Variants in MAP4K4 observed in about 807,000 individuals in gnomAD.
The protein encoded by MAP4K4 is HPK/GCK-like kinase HGK.
MAP4K4 carries 38 observed loss-of-function variants against 189.6 expected under a neutral mutation model. That is an observed-to-expected ratio of 0.20 (90% confidence interval 0.15 to 0.26). The LOEUF is 0.26. Ranked by LOEUF, MAP4K4 falls within the 10% of genes least tolerant of loss-of-function variation. The pLI is 1.00. For missense variants in MAP4K4, 1,054 were observed against 1,726.9 expected (o/e 0.61, Z 6.91); for synonymous variants, 610 against 624.3 (o/e 0.98, Z 0.34).
chr2:101,849,688 G>A (rs1170741981), intron 12 of MAP4K4, among the ~76,000 whole-genome samples: 1 of 145,836 alleles, frequency 6.9e-6, no homozygotes, highest in Non-Finnish European at 1.5e-5. Context: ...GTACTTTCAT[G>A]ACACTCACAC....
chr2:101,824,793 A>G (rs943307329), intron 4 of MAP4K4, among the ~76,000 whole-genome samples: 1 of 152,250 alleles, frequency 6.6e-6, no homozygotes, highest in African/African-American at 2.4e-5. Flanking sequence ...GGTACTTTAA[A>G]CATACCATTG....
At chr2:101,867,309 T>C (rs1311125707) in exon 20 of MAP4K4, 4 of 1,600,210 alleles carry the variant, frequency 2.5e-6, no homozygotes, top group Non-Finnish European at 3.4e-6. Flanking sequence ...TCAAGCCTGC[T>C]GTAAGGATTG....
At chr2:101,826,171 A>G (rs1334243020) in intron 5 of MAP4K4, among the ~76,000 whole-genome samples, 3 of 152,208 alleles carry the variant, frequency 2.0e-5, no homozygotes, top group African/African-American at 7.2e-5. Context: ...TTTAAAAAAA[A>G]AGATTATGAA....
At chr2:101,726,847 A>G (rs1362034143) in intron 2 of MAP4K4, among the ~76,000 whole-genome samples, 1 of 152,172 alleles carries the variant, frequency 6.6e-6, no homozygotes, top group Non-Finnish European at 1.5e-5. Context: ...ATTTATGAAG[A>G]AAAGGGATTT....
intron 27 of MAP4K4, among the ~76,000 whole-genome samples, chr2:101,881,453 G>A (rs1282937658): frequency 6.6e-6 from 1 of 152,138 alleles, no homozygotes; most frequent in African/African-American, 2.4e-5. Flanking sequence ...TACCTAGACA[G>A]TCATGTCTTC....
At chr2:101,802,046 G>A (rs984644504) in intron 3 of MAP4K4, among the ~76,000 whole-genome samples, 2 of 152,152 alleles carry the variant, frequency 1.3e-5, no homozygotes, top group Non-Finnish European at 2.9e-5. Context: ...GGTAGATAGT[G>A]GGTGTGGATA....
intron 9 of MAP4K4, among the ~76,000 whole-genome samples, chr2:101,836,989 C>G (rs749837168): frequency 6.6e-6 from 1 of 152,014 alleles, no homozygotes; most frequent in Non-Finnish European, 1.5e-5. Flanking sequence ...TTTCTGGGTC[C>G]TTTCTTGTTT....
chr2:101,787,239 G>T (rs1303447535), intron 2 of MAP4K4, among the ~76,000 whole-genome samples: 1 of 152,176 alleles, frequency 6.6e-6, no homozygotes, highest in Non-Finnish European at 1.5e-5. Context: ...ATGATGTATT[G>T]CTCATCTTCA....
At chr2:101,867,945 C>T in intron 20 of MAP4K4, 84 bp from the exon 21 acceptor site, 1 of 1,369,304 alleles carries the variant, frequency 7.3e-7, no homozygotes, top group Non-Finnish European at 1.0e-6. Context: ...TCCCTCTCCC[C>T]TTCTTTCTCC....
intron 3 of MAP4K4, among the ~76,000 whole-genome samples, chr2:101,806,960 C>T (rs943557311): frequency 3.3e-5 from 5 of 152,002 alleles, no homozygotes; most frequent in Admixed American, 2.0e-4. Context: ...CTGGCCCTGG[C>T]GATTCTGTGT....
chr2:101,770,923 G>A (rs1249842900), intron 2 of MAP4K4, among the ~76,000 whole-genome samples: 2 of 152,162 alleles, frequency 1.3e-5, no homozygotes. Flanking sequence ...ACAGTTACAT[G>A]CTTCTCGAGT....
rs1332054551 is a variant in MAP4K4 at position 101,745,993 on chromosome 2, TG to T, written c.124-44726del. On this transcript the variant is annotated intron_variant, in intron 2 of 32. Transcript: ENST00000324219. ...TCCTTTGTGTGTGTGTGTGTGTGTG[TG>T]TGTGTGTGTGTGTTTTAAATAAGTT... Among the ~76,000 whole-genome samples the T allele has an allele frequency of 5.4e-4, 82 of 152,008 alleles. 1 individual carries two copies. The highest frequency in any genetic ancestry group is 2.0e-3 in the African/African-American group (82 of 41,458).
Position 101,865,031 on chromosome 2 carries a change from C to T in MAP4K4, c.2199C>T (p.Ser733=), listed in dbSNP as rs780565457. 4.5e-6 allele frequency: 7 copies of T among 1,558,870 alleles called. No homozygotes were observed. The African/African-American group carries it at 9.6e-5, about 21-fold the overall frequency. ...ATAGCCAGGCAGGACAGAGAAACTC[C>T]ACCAGGTAAAAGACAAGTGAGCACT... Residue 733 remains serine (S), a synonymous_variant, in exon 18 of 33, where the codon TCC becomes TCT. Coordinates refer to ENST00000324219, the Ensembl canonical transcript of MAP4K4.
intron 1 of MAP4K4, 65 bp from the exon 2 acceptor site, chr2:101,698,408 T>G (rs2035844287): frequency 7.1e-7 from 1 of 1,412,816 alleles, no homozygotes; most frequent in Non-Finnish European, 1.0e-6. Flanking sequence ...TCCAACTGCC[T>G]TGCTTGATTT....
At chr2:101,785,251 A>G (rs2090044279) in intron 2 of MAP4K4, among the ~76,000 whole-genome samples, 1 of 152,230 alleles carries the variant, frequency 6.6e-6, no homozygotes, top group Non-Finnish European at 1.5e-5. Context: ...GATTCTGGAA[A>G]AAGGTGAAAT....
At chr2:101,816,055 G>A (rs2095693622) in intron 3 of MAP4K4, among the ~76,000 whole-genome samples, 1 of 152,190 alleles carries the variant, frequency 6.6e-6, no homozygotes, top group South Asian at 2.1e-4. Context: ...CCTCAACTCA[G>A]AGACTCCTCT....
At chr2:101,728,685 A>C (rs2056849660) in intron 2 of MAP4K4, among the ~76,000 whole-genome samples, 1 of 152,016 alleles carries the variant, frequency 6.6e-6, no homozygotes, top group African/African-American at 2.4e-5. Flanking sequence ...TGCCTGGTTA[A>C]TTTTTGTATT....
At chr2:101,868,003 C>T in intron 20 of MAP4K4, 26 bp from the exon 21 acceptor site, 7 of 1,613,212 alleles carry the variant, frequency 4.3e-6, no homozygotes, top group Non-Finnish European at 5.9e-6. Flanking sequence ...GCTTCTCGGA[C>T]TCCACGAAAC....
At chr2:101,811,385 A>AAAAAAAAAAAAAAAAAAAAG (rs1559031816) in intron 3 of MAP4K4, among the ~76,000 whole-genome samples, 1 of 140,974 alleles carries the variant, frequency 7.1e-6, no homozygotes, top group African/African-American at 2.8e-5. Flanking sequence ...AAAAAAAAAA[A>AAAAAAAAAAAAAAAAAAAAG]AAAAAAGAAT....
Sources: gnomAD v4.1 joint callset for allele counts (sites outside exome capture counted in the v4.1 genomes callset) on GRCh38, gnomAD v4.1.1 for gene constraint, MANE v1.5 for transcripts, NCBI Gene and HGNC (gene_info 2026-07-23, HGNC 2026-07-21) for gene names.